UQCC6: variants seen among roughly 807,000 people sequenced by gnomAD.
UQCC6 encodes protein BRAWNIN.
At chr12:103,965,012 C>T in the UQCC6 span, among the ~76,000 whole-genome samples, 2 of 152,258 alleles carry the variant, frequency 1.3e-5, no homozygotes, top group Non-Finnish European at 2.9e-5. Flanking sequence ...ACTTCTGTGG[C>T]TGTAAACCAC....
chr12:103,958,931 T>C, the UQCC6 span, among the ~76,000 whole-genome samples: 1 of 152,154 alleles, frequency 6.6e-6, no homozygotes, highest in Non-Finnish European at 1.5e-5. Context: ...CTTGATTAAT[T>C]TGCCCTTTAT....
the UQCC6 span, among the ~76,000 whole-genome samples, chr12:103,961,873 T>C: frequency 6.6e-6 from 1 of 152,200 alleles, no homozygotes; most frequent in African/African-American, 2.4e-5. Flanking sequence ...TACTGTATTT[T>C]TACTGTACCT....
the UQCC6 span, among the ~76,000 whole-genome samples, chr12:103,952,095 TCA>T: frequency 1.3e-5 from 2 of 152,224 alleles, no homozygotes. Context: ...AGGAAGGTAT[TCA>T]CAGAGTTCTG....
chr12:103,955,109 G>T, the UQCC6 span: 1 of 573,336 alleles, frequency 1.7e-6, no homozygotes, highest in Non-Finnish European at 3.1e-6. Flanking sequence ...GAGGCCAGGA[G>T]TTCAAGACCA....
the UQCC6 span, chr12:103,956,849 C>A: frequency 1.4e-6 from 1 of 713,432 alleles, no homozygotes; most frequent in South Asian, 1.8e-5. Context: ...AGACACACGG[C>A]GGCGGGGGTG....
chr12:103,965,701 G>T, the UQCC6 span: 413 of 322,262 alleles, frequency 1.3e-3, 1 homozygote, highest in Non-Finnish European at 2.0e-3. Flanking sequence ...CCTAGTCCCC[G>T]TCTTCTGGTC....
the UQCC6 span, chr12:103,953,793 G>GTA: frequency 5.6e-6 from 3 of 538,052 alleles, no homozygotes; most frequent in Non-Finnish European, 1.0e-5. Flanking sequence ...ACAGGTAGCT[G>GTA]CTGTAACAAC....
the UQCC6 span, among the ~76,000 whole-genome samples, chr12:103,952,633 C>T: frequency 6.6e-6 from 1 of 152,214 alleles, no homozygotes; most frequent in Non-Finnish European, 1.5e-5. Context: ...ATATTCCCAT[C>T]AACAATGCGT....
At chr12:103,957,912 A>G in the UQCC6 span, among the ~76,000 whole-genome samples, 3 of 141,080 alleles carry the variant, frequency 2.1e-5, no homozygotes, top group Non-Finnish European at 4.7e-5. Flanking sequence ...TATAATATAT[A>G]TTTTTAAATA....
the UQCC6 span, among the ~76,000 whole-genome samples, chr12:103,957,910 A>G: frequency 7.0e-6 from 1 of 141,980 alleles, no homozygotes; most frequent in Non-Finnish European, 1.5e-5. Context: ...TATATAATAT[A>G]TATTTTTAAA....
At chr12:103,956,353 A>C in the UQCC6 span, 1 of 310,334 alleles carries the variant, frequency 3.2e-6, no homozygotes, top group Non-Finnish European at 6.0e-6. Flanking sequence ...AGAACTGGTA[A>C]AATGGTGGCA....
At chr12:103,963,488 T>G in the UQCC6 span, among the ~76,000 whole-genome samples, 1 of 152,196 alleles carries the variant, frequency 6.6e-6, no homozygotes, top group African/African-American at 2.4e-5. Flanking sequence ...TTAGAATCAT[T>G]TTGTCAATTT....
chr12:103,962,264 T>C, the UQCC6 span, among the ~76,000 whole-genome samples: 1 of 152,314 alleles, frequency 6.6e-6, no homozygotes, highest in East Asian at 1.9e-4. Context: ...TCTCCCAGTT[T>C]ATTGCTTTTC....
the UQCC6 span, among the ~76,000 whole-genome samples, chr12:103,956,110 C>T: frequency 8.6e-5 from 13 of 151,460 alleles, no homozygotes; most frequent in African/African-American, 1.2e-4. Flanking sequence ...AAAGATGAGA[C>T]GGAATCGCAG....
At chr12:103,956,999 G>T in the UQCC6 span, 1 of 493,656 alleles carries the variant, frequency 2.0e-6, no homozygotes, top group African/African-American at 1.9e-5. Flanking sequence ...GCCTGCGTGC[G>T]GCATTAAAGG....
chr12:103,960,769 T>G, the UQCC6 span, among the ~76,000 whole-genome samples: 1 of 152,154 alleles, frequency 6.6e-6, no homozygotes, highest in Non-Finnish European at 1.5e-5. Context: ...CCTAATGACA[T>G]CATAACTGTC....
At chr12:103,957,649 A>G in the UQCC6 span, among the ~76,000 whole-genome samples, 1 of 152,070 alleles carries the variant, frequency 6.6e-6, no homozygotes, top group East Asian at 1.9e-4. Flanking sequence ...TGGCCTTATG[A>G]CCTGGTGCTA....
chr12:103,964,050 C>T, the UQCC6 span, among the ~76,000 whole-genome samples: 1 of 149,394 alleles, frequency 6.7e-6, no homozygotes, highest in African/African-American at 2.5e-5. Flanking sequence ...GAGAGAGACA[C>T]TGATGGGATA....
chr12:103,957,818 G>A, the UQCC6 span, among the ~76,000 whole-genome samples: 1 of 151,050 alleles, frequency 6.6e-6, no homozygotes, highest in Admixed American at 6.6e-5. Flanking sequence ...CAAGGCGGGC[G>A]GATCACTTGA....
Sources: gnomAD v4.1 joint callset for allele counts (sites outside exome capture counted in the v4.1 genomes callset) on GRCh38, gnomAD v4.1.1 for gene constraint, MANE v1.5 for transcripts, NCBI Gene and HGNC (gene_info 2026-07-23, HGNC 2026-07-21) for gene names.